ARMC3: variants seen among roughly 807,000 people sequenced by gnomAD.
ARMC3 encodes armadillo repeat containing 3, also known as armadillo repeat-containing protein 3.
Under a neutral mutation model 90.3 loss-of-function variants are expected in ARMC3, and 74 were observed. That is an observed-to-expected ratio of 0.82 (90% CI 0.68 to 0.99). The LOEUF (loss-of-function observed/expected upper bound fraction) is 0.99. Ranked by LOEUF, ARMC3 falls within the 50% of genes least tolerant of loss-of-function variation. The pLI, the probability that ARMC3 is intolerant of heterozygous loss-of-function variation, is 0.00. For missense variants in ARMC3, 958 were observed against 1,042.8 expected, an observed-to-expected ratio of 0.92 and a Z score of 1.12; for synonymous variants, 334 against 361.8, an observed-to-expected ratio of 0.92 and a Z score of 0.87.
intron 18 of ARMC3, among the ~76,000 whole-genome samples, chr10:23,036,907 T>G (rs1473324038): frequency 1.3e-5 from 2 of 152,188 alleles, no homozygotes; most frequent in African/African-American, 4.8e-5. Flanking sequence ...TCAGTCCCAC[T>G]GCATTTCACA....
At chr10:22,965,849 T>C (rs557134603) in intron 7 of ARMC3, among the ~76,000 whole-genome samples, 15 of 152,326 alleles carry the variant, frequency 9.8e-5, no homozygotes, top group Admixed American at 2.0e-4. Flanking sequence ...AATTTCCATG[T>C]TTGAAGTTTC....
chr10:23,017,079 T>TC (rs200290987), intron 16 of ARMC3, among the ~76,000 whole-genome samples: 1 of 145,350 alleles, frequency 6.9e-6, no homozygotes, highest in Non-Finnish European at 1.5e-5. Context: ...AATTTATTAT[T>TC]TTTTTTTTTA....
At chr10:22,997,498 A>G (rs1837042779) in intron 10 of ARMC3, 1 of 152,278 alleles carries the variant, frequency 6.6e-6, no homozygotes. Flanking sequence ...AAAATTATCT[A>G]TTTATATACA....
intron 18 of ARMC3, among the ~76,000 whole-genome samples, chr10:23,035,427 A>G (rs1195854178): frequency 6.6e-6 from 1 of 152,112 alleles, no homozygotes; most frequent in African/African-American, 2.4e-5. Flanking sequence ...TCACATCTCA[A>G]CTGAGTCATG....
chr10:22,959,783 T>C, intron 6 of ARMC3: 2 of 640,234 alleles, frequency 3.1e-6, no homozygotes, highest in Admixed American at 2.4e-5. Flanking sequence ...TTGTCTCCTG[T>C]GAAAAAGTAT....
intron 2 of ARMC3, among the ~76,000 whole-genome samples, chr10:22,945,674 C>G (rs1211529757): frequency 6.6e-6 from 1 of 152,042 alleles, no homozygotes; most frequent in Non-Finnish European, 1.5e-5. Context: ...AAAATATATA[C>G]AGGTATTCAA....
intron 8 of ARMC3, among the ~76,000 whole-genome samples, chr10:22,973,464 GCTTA>G (rs1283950958): frequency 2.0e-5 from 3 of 150,984 alleles, no homozygotes; most frequent in Middle Eastern, 3.4e-3. Context: ...GGCATACTCT[GCTTA>G]CTATTTAAAT....
chr10:23,032,220 T>C (rs1311509868), intron 17 of ARMC3, among the ~76,000 whole-genome samples: 1 of 152,172 alleles, frequency 6.6e-6, no homozygotes, highest in African/African-American at 2.4e-5. Flanking sequence ...TTAGGAGAAA[T>C]CCACAAGCAA....
At chr10:22,988,712 A>G (rs2131365009) in intron 10 of ARMC3, among the ~76,000 whole-genome samples, 1 of 152,320 alleles carries the variant, frequency 6.6e-6, no homozygotes, top group African/African-American at 2.4e-5. Context: ...CTGTACAGGA[A>G]GAGATGAAAT....
intron 10 of ARMC3, among the ~76,000 whole-genome samples, chr10:22,984,507 T>A (rs1386245380): frequency 2.0e-5 from 3 of 152,164 alleles, no homozygotes; most frequent in Admixed American, 2.0e-4. Context: ...AATTTTATAA[T>A]CTTTATGTAA....
At chr10:22,929,315 AGAAAGGAAAGGAAAG>A (rs144228471) in intron 1 of ARMC3, among the ~76,000 whole-genome samples, 5,999 of 150,586 alleles carry the variant, frequency 0.04, 456 homozygotes, top group East Asian at 0.35. Flanking sequence ...AAAAAGAAAA[AGAAAGGAAAGGAAAG>A]GAAAGGAAAG....
intron 2 of ARMC3, among the ~76,000 whole-genome samples, chr10:22,943,079 G>A (rs1834382089): frequency 6.6e-6 from 1 of 152,128 alleles, no homozygotes; most frequent in Non-Finnish European, 1.5e-5. Flanking sequence ...AGGAGTGTGA[G>A]GAAACCTTCA....
In ARMC3 at chr10:22,998,224, G is replaced by A. The variant is rs779895449; in HGVS notation, c.1252G>A (p.Ala418Thr). The stretch of plus-strand genomic sequence containing the variant: ...TAAACGAGATGGAGCCATTGCCAAC[G>A]CTGCTACAGTATTAACAAACATGGC... The part of the protein sequence containing the change: ...SSKRDGAIAN[A>T]ATVLTNMAMQ... Residue 418 changes from alanine (A) to threonine (T), a missense_variant, in exon 11 of 19, where the codon GCT (alanine) becomes ACT (threonine). By Grantham distance (58) the Ala-to-Thr change is moderately conservative (BLOSUM62 0). Transcript: ENST00000298032. 1 of 1,613,050 alleles carries A rather than the reference G, an allele frequency of 6.2e-7. No homozygotes were observed. Among genetic ancestry groups the A allele is most frequent in the Admixed American group, 1.7e-5 (1 of 59,904 alleles).
chr10:22,982,300 C>T (rs1836227325), intron 10 of ARMC3, among the ~76,000 whole-genome samples: 2 of 152,212 alleles, frequency 1.3e-5, no homozygotes, highest in Non-Finnish European at 2.9e-5. Flanking sequence ...ATCGCTTGAA[C>T]CCCGGAGGTG....
chr10:22,957,446 T>A (rs1834991784), intron 4 of ARMC3, among the ~76,000 whole-genome samples: 1 of 152,166 alleles, frequency 6.6e-6, no homozygotes, highest in Non-Finnish European at 1.5e-5. Flanking sequence ...TTGAGAGCTC[T>A]GATGGTAGTT....
At chr10:23,024,677 T>C (rs1436927628) in intron 16 of ARMC3, among the ~76,000 whole-genome samples, 2 of 151,908 alleles carry the variant, frequency 1.3e-5, no homozygotes, top group Non-Finnish European at 1.5e-5. Context: ...AAAAAACCTA[T>C]ACAAAAAGCT....
chr10:22,972,178 G>C (rs1460365774), intron 8 of ARMC3, among the ~76,000 whole-genome samples: 9 of 152,146 alleles, frequency 5.9e-5, no homozygotes. Flanking sequence ...GATGCAAAAA[G>C]TTTTAAATTG....
intron 18 of ARMC3, among the ~76,000 whole-genome samples, chr10:23,036,000 C>A (rs1482397778): frequency 6.6e-6 from 1 of 152,102 alleles, no homozygotes; most frequent in Non-Finnish European, 1.5e-5. Context: ...GAGACAGATG[C>A]CCTCGCTCTC....
intron 8 of ARMC3, among the ~76,000 whole-genome samples, chr10:22,969,399 T>A (rs1375047993): frequency 6.6e-6 from 1 of 152,234 alleles, no homozygotes; most frequent in Non-Finnish European, 1.5e-5. Context: ...CAGCATTGAC[T>A]ATTTTAAGTG....
Sources: gnomAD v4.1 joint callset for allele counts (sites outside exome capture counted in the v4.1 genomes callset) on GRCh38, gnomAD v4.1.1 for gene constraint, MANE v1.5 for transcripts, NCBI Gene and HGNC (gene_info 2026-07-23, HGNC 2026-07-21) for gene names.